Variants in ZFX observed in about 807,000 individuals in gnomAD.
ZFX encodes zinc finger protein X-linked.
For missense variants in ZFX, 362 were observed against 628.3 expected (o/e 0.58, Z 4.53); for synonymous variants, 196 against 226.8 (o/e 0.86, Z 1.22).
At chrX:24,166,102 A>G (rs1295159558) in intron 3 of ZFX, among the ~76,000 whole-genome samples, 1 of 112,546 alleles carries the variant, frequency 8.9e-6, no homozygotes, top group Non-Finnish European at 1.9e-5. Context: ...ATTTAAAACT[A>G]GTGTTTGTAG....
intron 5 of ZFX, among the ~76,000 whole-genome samples, chrX:24,200,850 T>A (rs1389610513): frequency 1.8e-5 from 2 of 112,291 alleles, no homozygotes; most frequent in Non-Finnish European, 3.8e-5. Flanking sequence ...CTGGAAAAGA[T>A]GAGAATCAGA....
intron 5 of ZFX, among the ~76,000 whole-genome samples, chrX:24,192,893 CAAA>C (rs759166413): frequency 1.0e-4 from 5 of 48,498 alleles, no homozygotes; most frequent in Non-Finnish European, 8.6e-5. Context: ...GACCCTGTCT[CAAA>C]AAAAAAAAAA....
intron 5 of ZFX, among the ~76,000 whole-genome samples, chrX:24,183,902 G>A (rs1403160893): frequency 9.2e-6 from 1 of 108,863 alleles, no homozygotes; most frequent in East Asian, 2.9e-4. Flanking sequence ...TTATAGGCAC[G>A]TGCCACCATG....
chrX:24,194,488 G>T (rs1197456921), intron 5 of ZFX, among the ~76,000 whole-genome samples: 2 of 111,305 alleles, frequency 1.8e-5, no homozygotes, highest in Non-Finnish European at 3.8e-5. Context: ...GAGTGAGCAT[G>T]CCCTGTGATG....
chrX:24,165,996 G>A (rs180927376), intron 3 of ZFX, among the ~76,000 whole-genome samples: 200 of 112,560 alleles, frequency 1.8e-3, no homozygotes, highest in African/African-American at 6.2e-3. Flanking sequence ...TTAAATGGCA[G>A]TACTTTATTA....
rs1937498979 is a variant in ZFX, at chrX:24,204,362, G to A, written c.647-2964G>A. Among the ~76,000 whole-genome samples, 3 of 112,184 alleles carry A rather than the reference G, an allele frequency of 2.7e-5. No homozygotes were observed. The Admixed American group carries it at 2.8e-4, about 11-fold the overall frequency. On this transcript the variant is annotated intron_variant, in intron 5 of 9. Coordinates refer to ENST00000304543, the MANE Select transcript of ZFX (RefSeq NM_003410.4). ...TATTAGATTCATCTTGATGTTCTGT[G>A]TAAGAATTTTGATTAGGTAAACACA...
chrX:24,184,434 A>G (rs775482497), intron 5 of ZFX, among the ~76,000 whole-genome samples: 1 of 111,166 alleles, frequency 9.0e-6, no homozygotes, highest in African/African-American at 3.3e-5. Flanking sequence ...TTAACTGCGC[A>G]CTATCTCTTG....
intron 5 of ZFX, among the ~76,000 whole-genome samples, chrX:24,180,642 C>G (rs1027590813): frequency 9.0e-6 from 1 of 111,674 alleles, no homozygotes; most frequent in Non-Finnish European, 1.9e-5. Flanking sequence ...CTTGGCCTTC[C>G]AAAGTGGGAG....
At chrX:24,162,552 G>A (rs753241862) in intron 3 of ZFX, among the ~76,000 whole-genome samples, 81 of 111,596 alleles carry the variant, frequency 7.3e-4, no homozygotes, top group Non-Finnish European at 1.3e-3. Flanking sequence ...TGACTTTAGA[G>A]AGAATACTTC....
intron 5 of ZFX, among the ~76,000 whole-genome samples, chrX:24,180,409 T>C (rs1239755154): frequency 1.0e-5 from 1 of 100,498 alleles, no homozygotes; most frequent in African/African-American, 3.7e-5. Context: ...GGAGGGAGAG[T>C]CTTGCTCTGT....
In ZFX at chrX:24,211,523, A is replaced by T; in HGVS notation, c.*147A>T. 1.4e-6 allele frequency: 1 copy of T among 724,842 alleles called. No homozygotes were observed. Among genetic ancestry groups the T allele is most frequent in the East Asian group, 3.5e-5 (1 of 28,528 alleles). 59.7% of individuals were successfully genotyped at this position (724,842 alleles called of 1,213,427 possible). On this transcript the variant is annotated 3_prime_UTR_variant, in exon 10 of 10. Coordinates refer to ENST00000304543, the MANE Select transcript of ZFX (RefSeq NM_003410.4). ...TATTACTTCTAGTTGACTTTTTTTT[A>T]AATATACATTTTGCTCAGTAGTGTG...
chrX:24,170,356 C>T (rs1224589393), intron 3 of ZFX, among the ~76,000 whole-genome samples: 2 of 108,976 alleles, frequency 1.8e-5, no homozygotes, highest in Non-Finnish European at 3.8e-5. Flanking sequence ...GGGGTTGCGC[C>T]ATGTTGGCCA....
rs1464902423 is a variant in ZFX at position 24,215,326 on chromosome X, T to G, written c.*3950T>G. 1 of 111,885 alleles carries G rather than the reference T, an allele frequency of 8.9e-6. No individual in the cohort carries two copies. Among genetic ancestry groups the G allele is most frequent in the East Asian group, 2.8e-4 (1 of 3,606 alleles). The allele number at this position is 111,885 out of a possible 1,213,427, so 9.2% of individuals were successfully genotyped here. A position where few individuals can be genotyped will look rare whatever the true frequency, so the allele number is the denominator to read the frequency against. ...TTCATGTAAGGAAAAACATGGCTAA[T>G]CAATATCTTAAAGGGGCAATCTTTC... On this transcript the variant is annotated 3_prime_UTR_variant, in exon 10 of 10. Transcript: ENST00000304543.
At chrX:24,153,315 C>G (rs763277654) in intron 3 of ZFX, among the ~76,000 whole-genome samples, 5 of 111,415 alleles carry the variant, frequency 4.5e-5, no homozygotes, top group Admixed American at 1.9e-4. Context: ...CCCTCCCTTC[C>G]CCTTCATGCC....
chrX:24,198,350 A>ATACCACCATG (rs1185084266), intron 5 of ZFX, among the ~76,000 whole-genome samples: 1 of 110,998 alleles, frequency 9.0e-6, no homozygotes, highest in Non-Finnish European at 1.9e-5. Context: ...CCACAGCCCC[A>ATACCACCATG]TACCACCATG....
rs748358563 is a variant in ZFX, at chrX:24,157,661, A to G, written c.-29+4831A>G. 3.6e-5 allele frequency among the ~76,000 whole-genome samples: 4 copies of G among 112,635 alleles called. No individual in the cohort carries two copies. In the East Asian group the frequency reaches 1.1e-3, roughly 31 times the overall value. Reference sequence around the variant, plus strand: ...TCATTTTAAGAAGTGCTGCATCACCAACACTCTTATTGGCAGAGCACAATA... The same window carrying G: ...TCATTTTAAGAAGTGCTGCATCACCGACACTCTTATTGGCAGAGCACAATA... On this transcript the variant is annotated intron_variant, in intron 3 of 9. Transcript: ENST00000304543.
intron 5 of ZFX, among the ~76,000 whole-genome samples, chrX:24,206,549 G>A (rs11797270): frequency 4.0e-3 from 226 of 56,181 alleles, no homozygotes; most frequent in African/African-American, 0.016. Context: ...GTGTGTGTGT[G>A]TATTTTTTTT....
intron 5 of ZFX, among the ~76,000 whole-genome samples, chrX:24,186,567 G>A (rs756163390): frequency 1.5e-4 from 17 of 110,671 alleles, no homozygotes; most frequent in Non-Finnish European, 2.8e-4. Context: ...AGGTTGCAGT[G>A]AGCTGTAATC....
chrX:24,160,447 C>T (rs930474198), intron 3 of ZFX, among the ~76,000 whole-genome samples: 1 of 109,663 alleles, frequency 9.1e-6, no homozygotes, highest in Non-Finnish European at 1.9e-5. Context: ...TACAGACGTG[C>T]ACCAGCACAC....
Sources: gnomAD v4.1 joint callset for allele counts (sites outside exome capture counted in the v4.1 genomes callset) on GRCh38, gnomAD v4.1.1 for gene constraint, MANE v1.5 for transcripts, NCBI Gene and HGNC (gene_info 2026-07-23, HGNC 2026-07-21) for gene names.